RGS22: variants seen among roughly 807,000 people sequenced by gnomAD.
RGS22 encodes regulator of G-protein signaling 22.
Under a neutral mutation model 172.9 loss-of-function variants are expected in RGS22, and 148 were observed. That is an observed-to-expected ratio of 0.86 (90% confidence interval 0.75 to 0.98). RGS22 has a LOEUF of 0.98. Among genes scored for constraint, RGS22 ranks in the 50% least tolerant of loss-of-function variants. RGS22 has a pLI of 0.00. For synonymous variants in RGS22, 458 were observed against 480.2 expected (o/e 0.95, Z 0.60); for missense variants, 1,347 against 1,440.8 (o/e 0.93, Z 1.05).
intron 4 of RGS22, among the ~76,000 whole-genome samples, chr8:100,072,443 A>G (rs1289315646): frequency 1.3e-5 from 2 of 152,094 alleles, no homozygotes; most frequent in African/African-American, 2.4e-5. Context: ...TAACAATCCT[A>G]TATTAACTAT....
At chr8:100,098,275 T>A (rs1813139559) in intron 2 of RGS22, among the ~76,000 whole-genome samples, 2 of 152,326 alleles carry the variant, frequency 1.3e-5, no homozygotes, top group African/African-American at 4.8e-5. Flanking sequence ...ACTGAATAAT[T>A]GAATGATTAC....
chr8:99,981,598 C>T (rs1812554260), intron 22 of RGS22, among the ~76,000 whole-genome samples: 1 of 151,644 alleles, frequency 6.6e-6, no homozygotes, highest in South Asian at 2.1e-4. Flanking sequence ...GTCACATATG[C>T]AAAGATTATT....
At chr8:100,033,307 CA>C (rs1425985302) in intron 14 of RGS22, among the ~76,000 whole-genome samples, 2 of 151,896 alleles carry the variant, frequency 1.3e-5, no homozygotes, top group Non-Finnish European at 2.9e-5. Flanking sequence ...AAGAATCAAA[CA>C]GATGCAATTA....
intron 19 of RGS22, among the ~76,000 whole-genome samples, chr8:99,996,787 G>T (rs1423846527): frequency 6.6e-6 from 1 of 152,144 alleles, no homozygotes. Context: ...AGTTTCACTT[G>T]AGCTCACATG....
intron 20 of RGS22, among the ~76,000 whole-genome samples, chr8:99,989,961 A>G (rs1363589388): frequency 1.3e-5 from 2 of 152,170 alleles, no homozygotes; most frequent in African/African-American, 4.8e-5. Context: ...ATAATGTAAG[A>G]CGATTTAACC....
At chr8:99,995,910 A>G (rs1486929044) in intron 20 of RGS22, among the ~76,000 whole-genome samples, 1 of 152,176 alleles carries the variant, frequency 6.6e-6, no homozygotes, top group African/African-American at 2.4e-5. Context: ...GCACATATAC[A>G]CCATGGAATA....
chr8:99,969,787 G>A (rs1272499996), intron 23 of RGS22, among the ~76,000 whole-genome samples: 1 of 152,174 alleles, frequency 6.6e-6, no homozygotes, highest in Non-Finnish European at 1.5e-5. Context: ...AATACTGGGA[G>A]ACTTTAACAA....
rs151060910 is a variant in RGS22, at chr8:100,040,488, T to A, written c.1939-401A>T. The stretch of plus-strand genomic sequence containing the variant: ...CTATTATAGCTACAGAGGGTTATGA[T>A]GAGAACTATCTCCAAGGCCTCTCGG... On this transcript the variant is annotated intron_variant, in intron 12 of 27. Transcript: ENST00000360863. 3.5e-3 allele frequency among the ~76,000 whole-genome samples: 531 copies of A among 152,272 alleles called. 2 individuals are homozygous for A. Among genetic ancestry groups the A allele is most frequent in the African/African-American group, 0.012 (490 of 41,546 alleles).
intron 20 of RGS22, among the ~76,000 whole-genome samples, chr8:99,990,062 A>T (rs1563581966): frequency 6.6e-6 from 1 of 152,140 alleles, no homozygotes; most frequent in Non-Finnish European, 1.5e-5. Context: ...TGTCTCAGTA[A>T]ATCCATGACA....
chr8:100,025,156 C>T (rs1238214724), intron 14 of RGS22, among the ~76,000 whole-genome samples: 1 of 152,110 alleles, frequency 6.6e-6, no homozygotes, highest in Non-Finnish European at 1.5e-5. Flanking sequence ...AGCTACAAGC[C>T]AGAAAGCTGG....
chr8:100,080,838 C>A (rs956198185), intron 3 of RGS22: 4 of 153,840 alleles, frequency 2.6e-5, no homozygotes, highest in African/African-American at 9.7e-5. Context: ...ATTTCAACAC[C>A]ATCCTTTGCA....
intron 24 of RGS22, among the ~76,000 whole-genome samples, chr8:99,963,308 C>G (rs918339721): frequency 4.6e-5 from 7 of 152,006 alleles, no homozygotes; most frequent in Non-Finnish European, 8.8e-5. Context: ...GAGGTGGGAA[C>G]GTGAGGGTGG....
chr8:100,020,533 G>A (rs529990588), intron 14 of RGS22, among the ~76,000 whole-genome samples: 98 of 152,234 alleles, frequency 6.4e-4, no homozygotes, highest in African/African-American at 2.2e-3. Context: ...ATCTCCAGCT[G>A]TAACATTAGA....
intron 2 of RGS22, among the ~76,000 whole-genome samples, chr8:100,093,830 C>T (rs1812768358): frequency 6.6e-6 from 1 of 152,126 alleles, no homozygotes; most frequent in South Asian, 2.1e-4. Flanking sequence ...CAAAATAATA[C>T]CACCACATGG....
chr8:99,991,769 A>T (rs1477765306), intron 20 of RGS22, among the ~76,000 whole-genome samples: 1 of 152,126 alleles, frequency 6.6e-6, no homozygotes, highest in Admixed American at 6.6e-5. Flanking sequence ...TACAGAATAC[A>T]CCAGAAAGAT....
intron 20 of RGS22, among the ~76,000 whole-genome samples, chr8:99,989,861 C>CAGATAGAT (rs58327517): frequency 0.032 from 4,614 of 146,388 alleles, 98 homozygotes; most frequent in Middle Eastern, 0.042. Flanking sequence ...GATAGACAGA[C>CAGATAGAT]AGATAGATAG....
At chr8:100,002,049 C>T (rs1386843292) in intron 18 of RGS22, among the ~76,000 whole-genome samples, 153 bp downstream of exon 18, 4 of 151,970 alleles carry the variant, frequency 2.6e-5, no homozygotes, top group African/African-American at 9.7e-5. Flanking sequence ...TTTATAGATG[C>T]TCATAAATAC....
rs202031261 is a variant in RGS22 at position 99,992,394 on chromosome 8, T to C, written c.3018+4068A>G. 8.5e-5 allele frequency among the ~76,000 whole-genome samples: 13 copies of C among 152,162 alleles called. No homozygotes were observed. In the East Asian group the frequency reaches 1.2e-3, roughly 14 times the overall value. On this transcript the variant is annotated intron_variant, in intron 20 of 27. Transcript: ENST00000360863. ...CCCATCTCACATGCAAAGACACACA[T>C]AGGTTAAAAATAAAGGGATGGATGA...
At chr8:100,050,037 G>A (rs1241290649) in intron 10 of RGS22, among the ~76,000 whole-genome samples, 38 of 124,176 alleles carry the variant, frequency 3.1e-4, no homozygotes, top group African/African-American at 9.7e-4. Flanking sequence ...CAACAAAAAC[G>A]AAACTCCATC....
Sources: gnomAD v4.1 joint callset for allele counts (sites outside exome capture counted in the v4.1 genomes callset) on GRCh38, gnomAD v4.1.1 for gene constraint, MANE v1.5 for transcripts, NCBI Gene and HGNC (gene_info 2026-07-23, HGNC 2026-07-21) for gene names.